The following PARP8 variants were observed in gnomAD, a reference collection of about 807,000 sequenced individuals.
PARP8 encodes the protein protein mono-ADP-ribosyltransferase PARP8.
In PARP8, 51 loss-of-function variants were observed where a neutral mutation model predicts 124.1. The ratio of observed to expected loss-of-function variants is 0.41; its 90% confidence interval spans 0.33 to 0.52. The LOEUF is 0.52. Ranked by LOEUF, PARP8 falls within the 20% of genes least tolerant of loss-of-function variation. PARP8 has a pLI of 0.21. For synonymous variants in PARP8, 391 were observed against 361.5 expected, an observed-to-expected ratio of 1.08 and a Z score of -0.93; for missense variants, 860 against 1,018.9, an observed-to-expected ratio of 0.84 and a Z score of 2.12.
At chr5:50,681,778 C>T (rs1402343720) in intron 2 of PARP8, among the ~76,000 whole-genome samples, 1 of 152,044 alleles carries the variant, frequency 6.6e-6, no homozygotes, top group African/African-American at 2.4e-5. Context: ...GTCATTATTC[C>T]ATGTGGTTGC....
At chr5:50,705,844 A>G (rs975869685) in intron 2 of PARP8, among the ~76,000 whole-genome samples, 1 of 152,102 alleles carries the variant, frequency 6.6e-6, no homozygotes, top group East Asian at 1.9e-4. Flanking sequence ...AACTACTTAT[A>G]CTATTTGATT....
At chr5:50,688,817 CT>C (rs1466248254) in intron 2 of PARP8, among the ~76,000 whole-genome samples, 1 of 151,912 alleles carries the variant, frequency 6.6e-6, no homozygotes, top group Non-Finnish European at 1.5e-5. Context: ...CATTTTGTAC[CT>C]TTTATTATAT....
chr5:50,756,214 C>G (rs1045197143), intron 3 of PARP8, among the ~76,000 whole-genome samples: 13 of 152,048 alleles, frequency 8.5e-5, no homozygotes, highest in Non-Finnish European at 1.6e-4. Flanking sequence ...ACTTCCAACA[C>G]TATGTTGAAT....
chr5:50,756,855 T>C (rs908258349), intron 3 of PARP8, among the ~76,000 whole-genome samples: 1 of 152,138 alleles, frequency 6.6e-6, no homozygotes, highest in Non-Finnish European at 1.5e-5. Flanking sequence ...GCCACCATTG[T>C]TCTTATTCTC....
chr5:50,762,712 C>T (rs1262371500), intron 6 of PARP8, among the ~76,000 whole-genome samples: 1 of 152,200 alleles, frequency 6.6e-6, no homozygotes, highest in African/African-American at 2.4e-5. Context: ...GCTTTCCTCT[C>T]TCCAGGAATG....
intron 14 of PARP8, among the ~76,000 whole-genome samples, chr5:50,804,184 C>CAA (rs1188195208): frequency 6.6e-6 from 1 of 152,090 alleles, no homozygotes; most frequent in Non-Finnish European, 1.5e-5. Flanking sequence ...TTATCTGTTG[C>CAA]CTCACACAAC....
intron 2 of PARP8, among the ~76,000 whole-genome samples, chr5:50,697,078 C>A (rs886242231): frequency 6.6e-6 from 1 of 151,948 alleles, no homozygotes; most frequent in African/African-American, 2.4e-5. Context: ...ACCATCCTGG[C>A]CAACATAGTG....
intron 21 of PARP8, among the ~76,000 whole-genome samples, chr5:50,829,545 A>C (rs1174562023): frequency 6.6e-6 from 1 of 152,186 alleles, no homozygotes. Context: ...TTGTTTATAC[A>C]CTAACATATA....
chr5:50,776,357 GT>G (rs1360880786), intron 7 of PARP8, among the ~76,000 whole-genome samples: 1 of 152,008 alleles, frequency 6.6e-6, no homozygotes, highest in African/African-American at 2.4e-5. Context: ...TCTTTTTGTT[GT>G]TGTTTCCTTG....
intron 2 of PARP8, among the ~76,000 whole-genome samples, chr5:50,725,879 A>G (rs1756375969): frequency 6.6e-6 from 1 of 152,170 alleles, no homozygotes; most frequent in South Asian, 2.1e-4. Context: ...CTTGTAAGCA[A>G]TACTGCTTAG....
intron 7 of PARP8, among the ~76,000 whole-genome samples, chr5:50,774,384 C>T (rs1761942169): frequency 6.6e-6 from 1 of 152,168 alleles, no homozygotes. Flanking sequence ...TGCAGAAAGG[C>T]TGTCACTTCA....
intron 14 of PARP8, among the ~76,000 whole-genome samples, chr5:50,809,263 T>C (rs1477863357): frequency 6.6e-6 from 1 of 152,060 alleles, no homozygotes; most frequent in Non-Finnish European, 1.5e-5. Flanking sequence ...TATAAAACTG[T>C]AAATACAGAG....
At chr5:50,708,883 G>A (rs962399502) in intron 2 of PARP8, among the ~76,000 whole-genome samples, 2 of 151,958 alleles carry the variant, frequency 1.3e-5, no homozygotes, top group Non-Finnish European at 2.9e-5. Flanking sequence ...CTGGGCTCAA[G>A]CAATTCTCCT....
chr5:50,692,803 C>T (rs1049242848), intron 2 of PARP8, among the ~76,000 whole-genome samples: 3 of 152,116 alleles, frequency 2.0e-5, no homozygotes, highest in African/African-American at 7.2e-5. Flanking sequence ...CACTCTGTAC[C>T]TCCTTGGCAC....
intron 3 of PARP8, among the ~76,000 whole-genome samples, chr5:50,756,323 A>G (rs1031232433): frequency 1.3e-5 from 2 of 152,136 alleles, no homozygotes; most frequent in African/African-American, 4.8e-5. Flanking sequence ...TGGGTTTGTC[A>G]TAGATAGCTC....
At chr5:50,679,006 AT>A in intron 2 of PARP8, among the ~76,000 whole-genome samples, 1 of 152,308 alleles carries the variant, frequency 6.6e-6, no homozygotes. Context: ...TTAAAATGAT[AT>A]TTATTTGTAA....
chr5:50,695,721 C>T (rs990034367), intron 2 of PARP8, among the ~76,000 whole-genome samples: 2 of 152,010 alleles, frequency 1.3e-5, no homozygotes, highest in African/African-American at 4.8e-5. Context: ...AAAAATAACT[C>T]ATCAGGTATG....
At chr5:50,672,059 T>G (rs900258682) in intron 2 of PARP8, among the ~76,000 whole-genome samples, 2 of 152,184 alleles carry the variant, frequency 1.3e-5, no homozygotes, top group African/African-American at 4.8e-5. Flanking sequence ...TCCTGAGCCT[T>G]TGCACATGCT....
intron 2 of PARP8, among the ~76,000 whole-genome samples, chr5:50,704,255 A>G (rs1753896892): frequency 6.6e-6 from 1 of 152,090 alleles, no homozygotes; most frequent in Non-Finnish European, 1.5e-5. Context: ...GTGTATAGAT[A>G]TCCTCACAAT....
Sources: gnomAD v4.1 joint callset for allele counts (sites outside exome capture counted in the v4.1 genomes callset) on GRCh38, gnomAD v4.1.1 for gene constraint, MANE v1.5 for transcripts, NCBI Gene and HGNC (gene_info 2026-07-23, HGNC 2026-07-21) for gene names.